Variants in GRM5 observed in about 807,000 individuals in gnomAD.
The protein encoded by GRM5 is metabotropic glutamate receptor 5.
A neutral mutation model predicts 83.1 loss-of-function variants in GRM5; 19 were observed. The observed-to-expected ratio is 0.23, with a 90% CI of 0.16 to 0.34. The LOEUF (loss-of-function observed/expected upper bound fraction) is 0.34, where lower values mean the gene tolerates loss of function less well. Among genes scored for constraint, GRM5 ranks in the 10% least tolerant of loss-of-function variants. The probability of loss-of-function intolerance (pLI) is 1.00; values close to 1 mark genes in which losing one functional copy is unlikely to be tolerated. For missense variants in GRM5, 1,160 were observed against 1,588.3 expected, an observed-to-expected ratio of 0.73 and a Z score of 4.58; for synonymous variants, 675 against 633.6, an observed-to-expected ratio of 1.07 and a Z score of -0.98.
chr11:89,055,381 CA>C (rs1941851119), intron 1 of GRM5, among the ~76,000 whole-genome samples: 1 of 152,104 alleles, frequency 6.6e-6, no homozygotes, highest in Non-Finnish European at 1.5e-5. Context: ...AAATTATTAC[CA>C]TATCCCTCAC....
chr11:89,054,930 TATAA>T (rs1252444052), intron 1 of GRM5, among the ~76,000 whole-genome samples: 9 of 152,356 alleles, frequency 5.9e-5, no homozygotes, highest in Non-Finnish European at 1.2e-4. Flanking sequence ...TTTCTAAATT[TATAA>T]ATATAGTAAT....
At chr11:88,782,588 G>T (rs923012032) in intron 3 of GRM5, among the ~76,000 whole-genome samples, 6 of 152,036 alleles carry the variant, frequency 3.9e-5, no homozygotes, top group Non-Finnish European at 7.4e-5. Context: ...TTTACTAATT[G>T]CATATTTTTT....
intron 8 of GRM5, among the ~76,000 whole-genome samples, chr11:88,542,428 A>G (rs944631958): frequency 1.3e-5 from 2 of 152,212 alleles, no homozygotes; most frequent in African/African-American, 2.4e-5. Flanking sequence ...AAGAGCAAGC[A>G]TACGTAACAG....
intron 4 of GRM5, among the ~76,000 whole-genome samples, chr11:88,614,001 G>A (rs76258582): frequency 3.3e-5 from 5 of 151,996 alleles, no homozygotes; most frequent in Middle Eastern, 3.2e-3. Flanking sequence ...CAGAAGATTG[G>A]GTATTCAGTG....
At chr11:89,065,448 C>T (rs1309707819) in intron 1 of GRM5, among the ~76,000 whole-genome samples, 3 of 151,838 alleles carry the variant, frequency 2.0e-5, no homozygotes, top group African/African-American at 4.8e-5. Context: ...ACTTAAATCC[C>T]TCACTTATGC....
intron 4 of GRM5, among the ~76,000 whole-genome samples, chr11:88,641,074 T>C (rs1939280807): frequency 6.6e-6 from 1 of 152,020 alleles, no homozygotes; most frequent in Non-Finnish European, 1.5e-5. Context: ...GTACAGGAAG[T>C]ATAGTACAAA....
At chr11:88,770,679 T>C (rs1207347776) in intron 3 of GRM5, among the ~76,000 whole-genome samples, 1 of 152,144 alleles carries the variant, frequency 6.6e-6, no homozygotes, top group Non-Finnish European at 1.5e-5. Context: ...CTGAACAGAA[T>C]TTTATCACAT....
chr11:88,751,855 C>A (rs926773715), intron 3 of GRM5, among the ~76,000 whole-genome samples: 8 of 151,968 alleles, frequency 5.3e-5, no homozygotes, highest in African/African-American at 1.9e-4. Context: ...AAAAACCACA[C>A]GATTATCCAA....
intron 4 of GRM5, among the ~76,000 whole-genome samples, chr11:88,646,192 T>G (rs1283628050): frequency 6.6e-6 from 1 of 152,064 alleles, no homozygotes; most frequent in Non-Finnish European, 1.5e-5. Flanking sequence ...GAAACCATCC[T>G]TAAAAAATAG....
chr11:88,911,373 C>A (rs1443306345), intron 2 of GRM5, among the ~76,000 whole-genome samples: 1 of 152,078 alleles, frequency 6.6e-6, no homozygotes, highest in East Asian at 1.9e-4. Context: ...GTTTCCTGTT[C>A]ATTTCCTGTG....
chr11:88,662,054 T>A (rs1249922797), intron 3 of GRM5, among the ~76,000 whole-genome samples: 1 of 152,124 alleles, frequency 6.6e-6, no homozygotes, highest in Non-Finnish European at 1.5e-5. Context: ...TATCAGAACA[T>A]TCAAAAGAAG....
chr11:89,005,345 A>T (rs1940495527), intron 2 of GRM5, among the ~76,000 whole-genome samples: 1 of 152,206 alleles, frequency 6.6e-6, no homozygotes, highest in South Asian at 2.1e-4. Context: ...GAAAGAGCAG[A>T]AATAACAGGA....
intron 3 of GRM5, among the ~76,000 whole-genome samples, chr11:88,723,648 A>G (rs926349907): frequency 6.6e-6 from 1 of 151,954 alleles, no homozygotes; most frequent in Admixed American, 6.6e-5. Flanking sequence ...CTAGATAACA[A>G]CTTTTCACTG....
At chr11:88,835,082 T>C (rs1944068999) in intron 3 of GRM5, among the ~76,000 whole-genome samples, 1 of 152,142 alleles carries the variant, frequency 6.6e-6, no homozygotes, top group Admixed American at 6.6e-5. Context: ...AAGGAGCTTA[T>C]ATTCTAGTGT....
intron 4 of GRM5, among the ~76,000 whole-genome samples, chr11:88,606,512 G>T (rs926157207): frequency 8.5e-5 from 13 of 152,306 alleles, no homozygotes; most frequent in African/African-American, 3.1e-4. Flanking sequence ...GGGAAAGTCA[G>T]TCAGCCTCAA....
intron 3 of GRM5, among the ~76,000 whole-genome samples, chr11:88,681,666 G>A (rs567971608): frequency 9.8e-5 from 14 of 142,726 alleles, no homozygotes; most frequent in African/African-American, 3.7e-4. Context: ...CCCCTCCTGG[G>A]TTCAAACGAT....
At chr11:89,038,216 A>G (rs1591068453) in intron 2 of GRM5, among the ~76,000 whole-genome samples, 1 of 152,180 alleles carries the variant, frequency 6.6e-6, no homozygotes, top group East Asian at 1.9e-4. Flanking sequence ...GGCTGAAATC[A>G]CATTACAAAG....
In GRM5 at chr11:89,020,043, G is replaced by T. The variant is rs768570569; in HGVS notation, c.661+27169C>A. ...GGACAGGGTGAGTTCAGCCATGCAT[G>T]GTTTATGCAAGGTCAGGGAGGTAAG... is the stretch of plus-strand genomic sequence containing the variant. On this transcript the variant is annotated intron_variant, in intron 2 of 9. Transcript: ENST00000305447. Among the ~76,000 whole-genome samples the T allele has an allele frequency of 2.0e-5, 3 of 152,150 alleles. No homozygotes were observed. In the South Asian group the frequency reaches 6.2e-4, roughly 32 times the overall value.
chr11:88,930,403 A>T (rs557689892), intron 2 of GRM5, among the ~76,000 whole-genome samples: 2 of 152,280 alleles, frequency 1.3e-5, no homozygotes, highest in Admixed American at 1.3e-4. Flanking sequence ...AACAGAAGTA[A>T]CATCCCATCT....
Sources: gnomAD v4.1 joint callset for allele counts (sites outside exome capture counted in the v4.1 genomes callset) on GRCh38, gnomAD v4.1.1 for gene constraint, MANE v1.5 for transcripts, NCBI Gene and HGNC (gene_info 2026-07-23, HGNC 2026-07-21) for gene names.